Variants in TTBK2 observed in about 807,000 individuals in gnomAD.
TTBK2 encodes tau tubulin kinase 2, also known as tau-tubulin kinase 2.
A neutral mutation model predicts 110.8 loss-of-function variants in TTBK2; 28 were observed. The observed-to-expected ratio is 0.25, with a 90% CI of 0.19 to 0.35. The LOEUF is 0.35. TTBK2 is among the 10% of genes least tolerant of loss of function. TTBK2 has a pLI of 1.00. For synonymous variants in TTBK2, 532 were observed against 527.3 expected (o/e 1.01, Z -0.12); for missense variants, 1,369 against 1,500.3 (o/e 0.91, Z 1.45).
At chr15:42,820,396 T>C (rs547309612) in intron 6 of TTBK2, among the ~76,000 whole-genome samples, 2 of 152,328 alleles carry the variant, frequency 1.3e-5, no homozygotes, top group South Asian at 2.1e-4. Context: ...GTCTTAGGAA[T>C]AGGCAGCATT....
In TTBK2 at chr15:42,815,893, AATATATATATATATTT is replaced by A. The variant is rs1891926511; in HGVS notation, c.603+1123_603+1138del. 3.9e-4 allele frequency among the ~76,000 whole-genome samples: 40 copies of A among 102,164 alleles called. 1 individual carries two copies. The highest frequency in any genetic ancestry group is 1.9e-3 in the African/African-American group (39 of 20,120). The allele number at this position is 102,164 out of a possible 152,430, so 67.0% of individuals were successfully genotyped here. On this transcript the variant is annotated intron_variant, in intron 7 of 14. Coordinates refer to ENST00000267890, the MANE Select transcript of TTBK2 (RefSeq NM_173500.4). ...ATATTTAAATATATATATATTTAAA[AATATATATATATATTT>A]AAAAATATATATATATTTAAAAATA...
At position 42,741,157 on chromosome 15, in the gene TTBK2, ATGATAGGATG is replaced by A. The variant is rs1367038523; in HGVS notation, c.*4628_*4637del. 6.6e-6 allele frequency: 1 copy of A among 152,232 alleles called. No homozygotes were observed. Among genetic ancestry groups the A allele is most frequent in the Non-Finnish European group, 1.5e-5 (1 of 68,038 alleles). The allele number at this position is 152,232 out of a possible 1,614,324, so 9.4% of individuals were successfully genotyped here. A position where few individuals can be genotyped will look rare whatever the true frequency, so the allele number is the denominator to read the frequency against. On this transcript the variant is annotated 3_prime_UTR_variant, in exon 15 of 15. Coordinates refer to ENST00000267890, the MANE Select transcript of TTBK2 (RefSeq NM_173500.4). ...AAGGCCAAAATATTGAGAATACTCAATGATAGGATGAGTTTCCACTCTACTTCCTTATCCT... is the reference window on the plus strand; with the variant it reads ...AAGGCCAAAATATTGAGAATACTCAAAGTTTCCACTCTACTTCCTTATCCT...
rs1394463725 is a variant in TTBK2, at chr15:42,815,959, ATATAT to A, written c.603+1068_603+1072del. ...ATATATATATATATTTAAAAAAAAAATATATATATATATATATATTTGAGACGGAG... is the reference window on the plus strand; with the variant it reads ...ATATATATATATATTTAAAAAAAAAAATATATATATATATTTGAGACGGAG... On this transcript the variant is annotated intron_variant, in intron 7 of 14. Transcript: ENST00000267890. 8.7e-4 allele frequency among the ~76,000 whole-genome samples: 14 copies of A among 16,060 alleles called. 1 individual carries two copies. The highest frequency in any genetic ancestry group is 6.5e-3 in the Admixed American group (9 of 1,376). The allele number at this position is 16,060 out of a possible 152,430, so 10.5% of individuals were successfully genotyped here. A position where few individuals can be genotyped will look rare whatever the true frequency, so the allele number is the denominator to read the frequency against.
At chr15:42,830,849 C>T (rs892691573) in intron 4 of TTBK2, among the ~76,000 whole-genome samples, 5 of 151,744 alleles carry the variant, frequency 3.3e-5, no homozygotes, top group Non-Finnish European at 5.9e-5. Flanking sequence ...ACCAAAAATA[C>T]AAAAATTTAG....
At chr15:42,751,900 C>T in intron 14 of TTBK2, 74 bp downstream of exon 14, 1 of 1,558,942 alleles carries the variant, frequency 6.4e-7, no homozygotes, top group Non-Finnish European at 8.8e-7. Context: ...GAAATGTTGC[C>T]ATTGGTGGAC....
intron 1 of TTBK2, chr15:42,919,694 T>C: frequency 1.9e-6 from 1 of 523,874 alleles, no homozygotes; most frequent in South Asian, 8.3e-5. Flanking sequence ...GAAGAGTTAA[T>C]ACCAGGATTG....
At chr15:42,750,020 AG>A (rs1315290168) in intron 14 of TTBK2, among the ~76,000 whole-genome samples, 2 of 152,158 alleles carry the variant, frequency 1.3e-5, no homozygotes, top group Admixed American at 6.5e-5. Context: ...CAGGAGTTAG[AG>A]GCTGCAATAA....
At chr15:42,801,865 A>G (rs373755946) in intron 9 of TTBK2, 69 of 1,031,908 alleles carry the variant, frequency 6.7e-5, no homozygotes, top group Non-Finnish European at 9.1e-5. Context: ...ACATTTACTG[A>G]TCTCAACCTC....
Position 42,817,056 on chromosome 15 carries a change from T to C in TTBK2, c.579A>G (p.Ala193=), listed in dbSNP as rs764205211. 1 of 1,607,558 alleles carries C rather than the reference T, an allele frequency of 6.2e-7. No homozygotes were observed. ...CCCTGTTCCGATGTGCGTTGATTGA[T>C]GCATAACGAACTGTCCCTCGAAAAC... ...VAGFRGTVRY[A]SINAHRNREM... Residue 193 remains alanine, a synonymous_variant, in exon 7 of 15, where the codon GCA becomes GCG. Transcript: ENST00000267890.
At chr15:42,902,216 C>CAA (rs749777927) in intron 1 of TTBK2, among the ~76,000 whole-genome samples, 9 of 104,196 alleles carry the variant, frequency 8.6e-5, no homozygotes, top group East Asian at 3.1e-4. Flanking sequence ...ACTCCATCTC[C>CAA]AAAAAAAAAA....
At chr15:42,818,768 G>A (rs1892156256) in intron 6 of TTBK2, among the ~76,000 whole-genome samples, 2 of 150,140 alleles carry the variant, frequency 1.3e-5, no homozygotes, top group East Asian at 4.0e-4. Context: ...TTCAAATAAG[G>A]GATATTCAAC....
chr15:42,815,665 A>G (rs1891908081), intron 7 of TTBK2, among the ~76,000 whole-genome samples: 1 of 151,504 alleles, frequency 6.6e-6, no homozygotes, highest in Non-Finnish European at 1.5e-5. Context: ...ACTAAAACAA[A>G]CATTTTAAAA....
At position 42,776,867 on chromosome 15, in the gene TTBK2, C is replaced by T. The variant is rs950492536; in HGVS notation, c.1409+164G>A. 3.6e-5 allele frequency: 24 copies of T among 668,084 alleles called. No individual in the cohort carries two copies. In the Admixed American group the frequency reaches 5.0e-4, roughly 14 times the overall value. The allele number at this position is 668,084 out of a possible 1,614,324, so 41.4% of individuals were successfully genotyped here. On this transcript the variant is annotated intron_variant, in intron 12 of 14. Transcript: ENST00000267890. ...GAATCAGGATAATAATAATTAAAAA[C>T]ATGGATGAAAATTGGAGCTGAATAG...
intron 3 of TTBK2, among the ~76,000 whole-genome samples, chr15:42,867,759 T>C (rs1022098066): frequency 6.6e-6 from 1 of 152,222 alleles, no homozygotes; most frequent in African/African-American, 2.4e-5. Flanking sequence ...ACAGCCACTT[T>C]GGAAGAAAAT....
rs568699692 is a variant in TTBK2 at position 42,783,719 on chromosome 15, G to C, written c.981-84C>G. On this transcript the variant is annotated intron_variant, in intron 10 of 14. Coordinates refer to ENST00000267890, the MANE Select transcript of TTBK2 (RefSeq NM_173500.4). Reference sequence around the variant, plus strand: ...CATCATTTTATTTCTTCATTTAAATGAACTCCACACATAATTAAGAGAGTT... The same window carrying C: ...CATCATTTTATTTCTTCATTTAAATCAACTCCACACATAATTAAGAGAGTT... 53 of 1,020,424 alleles carry C rather than the reference G, an allele frequency of 5.2e-5. No homozygotes were observed. The Middle Eastern group carries it at 8.9e-4, about 17-fold the overall frequency. The allele number at this position is 1,020,424 out of a possible 1,614,324, so 63.2% of individuals were successfully genotyped here.
At chr15:42,893,383 C>T (rs1231808362) in intron 1 of TTBK2, among the ~76,000 whole-genome samples, 1 of 152,004 alleles carries the variant, frequency 6.6e-6, no homozygotes, top group Non-Finnish European at 1.5e-5. Context: ...GTAGTCCTAG[C>T]TACTCAAGAG....
At chr15:42,913,981 CTT>C (rs201187297) in intron 1 of TTBK2, among the ~76,000 whole-genome samples, 5 of 143,594 alleles carry the variant, frequency 3.5e-5, no homozygotes, top group Non-Finnish European at 3.1e-5. Flanking sequence ...TATTAACTTC[CTT>C]TTTTTTTTTT....
At chr15:42,819,902 G>C (rs957092625) in intron 6 of TTBK2, among the ~76,000 whole-genome samples, 1 of 152,160 alleles carries the variant, frequency 6.6e-6, no homozygotes, top group Non-Finnish European at 1.5e-5. Context: ...TTTCATTCCA[G>C]TAACTGTCAG....
At chr15:42,898,845 C>A (rs968075934) in intron 1 of TTBK2, among the ~76,000 whole-genome samples, 1 of 152,192 alleles carries the variant, frequency 6.6e-6, no homozygotes, top group East Asian at 1.9e-4. Context: ...AAAGTGAATA[C>A]TTCCCAAAGG....
Sources: gnomAD v4.1 joint callset for allele counts (sites outside exome capture counted in the v4.1 genomes callset) on GRCh38, gnomAD v4.1.1 for gene constraint, MANE v1.5 for transcripts, NCBI Gene and HGNC (gene_info 2026-07-23, HGNC 2026-07-21) for gene names.